C2orf92: variants seen among roughly 807,000 people sequenced by gnomAD.
C2orf92 encodes the protein uncharacterized protein C2orf92.
chr2:97,690,914 GACT>G (rs1676115745), intron 5 of C2orf92: 1 of 152,136 alleles, frequency 6.6e-6, no homozygotes, highest in Non-Finnish European at 1.5e-5. Flanking sequence ...AAGTAGCTGG[GACT>G]ACAGACGCAC....
upstream of C2orf92, among the ~76,000 whole-genome samples, chr2:97,667,430 GTT>G (rs1203203673): frequency 2.5e-5 from 3 of 118,806 alleles, no homozygotes. Flanking sequence ...GCCCAGCTAA[GTT>G]TTTTTTTTTT....
At chr2:97,670,865 A>G (rs563846707) in intron 1 of C2orf92, 2 of 152,296 alleles carry the variant, frequency 1.3e-5, no homozygotes, top group South Asian at 4.1e-4. Flanking sequence ...TGTCTGGCCA[A>G]ATTTACCCTT....
In C2orf92 at chr2:97,675,742, T is replaced by C. The variant is rs2104543952; in HGVS notation, c.149-103T>C. The C allele has an allele frequency of 2.5e-5, 10 of 398,194 alleles. No homozygotes were observed. The Middle Eastern group carries it at 1.9e-3, about 75-fold the overall frequency. The allele number at this position is 398,194 out of a possible 1,614,324, so 24.7% of individuals were successfully genotyped here. On this transcript the variant is annotated intron_variant, in intron 2 of 7. Coordinates refer to ENST00000627399, the MANE Select transcript of C2orf92 (RefSeq NM_001351368.2). ...AATAGGTGGGTTCAGGCCAAGTGCA[T>C]GATGCTCACCTCAAAATCCCGTGCA...
chr2:97,679,954 C>T (rs1675711236), intron 3 of C2orf92, among the ~76,000 whole-genome samples: 1 of 151,158 alleles, frequency 6.6e-6, no homozygotes, highest in African/African-American at 2.4e-5. Context: ...AGAAAACACA[C>T]ACAAAACACA....
At chr2:97,677,289 C>G (rs1049131097) in intron 3 of C2orf92, 1 of 152,202 alleles carries the variant, frequency 6.6e-6, no homozygotes. Flanking sequence ...AGCACTAAAA[C>G]TGACAGTTGT....
chr2:97,698,548 T>C (rs1382515612), intron 5 of C2orf92, among the ~76,000 whole-genome samples: 4 of 152,188 alleles, frequency 2.6e-5, no homozygotes, highest in Non-Finnish European at 5.9e-5. Context: ...TTCATGAACA[T>C]TGTACAATCT....
chr2:97,672,609 G>T (rs1475878680), intron 1 of C2orf92, among the ~76,000 whole-genome samples: 2 of 151,666 alleles, frequency 1.3e-5, no homozygotes, highest in Admixed American at 6.6e-5. Context: ...CTGGTTGGGG[G>T]TTTGGGAAGC....
At position 97,675,848 on chromosome 2, in the gene C2orf92, A is replaced by G. The variant is rs1334014481; in HGVS notation, c.152A>G (p.Tyr51Cys). ...GCCATGGTTTATTTTCCCTTAGGCT[A>G]TTCCCAACAGAAGAGCTTGAACAAT... Reference protein sequence around the residue: ...SITKRDTQKSYSQQKSLNNAA... With the variant: ...SITKRDTQKSCSQQKSLNNAA... Residue 51 changes from tyrosine to cysteine, a missense_variant, in exon 3 of 8, where the codon TAT becomes TGT. Physicochemically the swap from Tyr to Cys is radical, Grantham distance 194 (BLOSUM62 -2). Transcript: ENST00000627399. 7.5e-6 allele frequency: 3 copies of G among 398,994 alleles called. No individual in the cohort carries two copies. The highest frequency in any genetic ancestry group is 1.3e-4 in the South Asian group (1 of 7,868). The allele number at this position is 398,994 out of a possible 1,614,324, so 24.7% of individuals were successfully genotyped here.
chr2:97,682,317 A>G (rs1428377311), intron 3 of C2orf92, among the ~76,000 whole-genome samples: 2 of 152,212 alleles, frequency 1.3e-5, no homozygotes. Context: ...ATGAATCAGT[A>G]ATCAAAATTT....
chr2:97,670,346 G>A (rs1369944690), intron 1 of C2orf92: 1 of 151,844 alleles, frequency 6.6e-6, no homozygotes, highest in East Asian at 1.9e-4. Context: ...TTTAAAATTA[G>A]CCATGCATGG....
chr2:97,692,811 A>G (rs931893006), intron 5 of C2orf92, among the ~76,000 whole-genome samples: 1 of 152,196 alleles, frequency 6.6e-6, no homozygotes, highest in African/African-American at 2.4e-5. Flanking sequence ...GTTGCTGGAG[A>G]TACAGTGGGC....
At chr2:97,685,790 T>G (rs1290601848) in intron 3 of C2orf92, among the ~76,000 whole-genome samples, 1 of 151,978 alleles carries the variant, frequency 6.6e-6, no homozygotes, top group Non-Finnish European at 1.5e-5. Context: ...CACGAACTCC[T>G]GACCTCAGGT....
At chr2:97,667,289 A>AG (rs1675266868), upstream of C2orf92, among the ~76,000 whole-genome samples, 1 of 140,356 alleles carries the variant, frequency 7.1e-6, no homozygotes, top group Non-Finnish European at 1.5e-5. Context: ...TTTTGAGACA[A>AG]TCTTTCTCTG....
At chr2:97,695,096 C>T (rs150645009) in intron 5 of C2orf92, among the ~76,000 whole-genome samples, 1 of 152,138 alleles carries the variant, frequency 6.6e-6, no homozygotes, top group Non-Finnish European at 1.5e-5. Context: ...TTTTTCCCAT[C>T]CTGGGTGGGG....
At chr2:97,666,000 G>A (rs183960103), upstream of C2orf92, 927 of 151,900 alleles carry the variant, frequency 6.1e-3, 3 homozygotes, top group Non-Finnish European at 0.01. Flanking sequence ...GGCTGGTCTC[G>A]AACTCCTGAG....
Position 97,675,909 on chromosome 2 carries a change from A to G in C2orf92, c.213A>G (p.Glu71=), listed in dbSNP as rs1185857747. 2.5e-6 allele frequency: 1 copy of G among 398,836 alleles called. No individual in the cohort carries two copies. The highest frequency in any genetic ancestry group is 4.4e-6 in the Non-Finnish European group (1 of 226,076). 24.7% of individuals were successfully genotyped at this position (398,836 alleles called of 1,614,324 possible). A position where few individuals can be genotyped will look rare whatever the true frequency, so the allele number is the denominator to read the frequency against. Residue 71 remains glutamate (E), a synonymous_variant, in exon 3 of 8, where the codon GAA becomes GAG. Coordinates refer to ENST00000627399, the MANE Select transcript of C2orf92 (RefSeq NM_001351368.2). ...CATCAGGTTCAAATGAGCGAGAGGA[A>G]CATTTGGCTAAAATATTTGGTAAGT... ...AFASGSNERE[E]HLAKIFDEIL...
chr2:97,677,645 G>C (rs1675627417), intron 3 of C2orf92: 1 of 152,068 alleles, frequency 6.6e-6, no homozygotes, highest in African/African-American at 2.4e-5. Flanking sequence ...ATCTCTCAAC[G>C]TAAAATTATA....
chr2:97,694,888 A>G (rs746611785), intron 5 of C2orf92, among the ~76,000 whole-genome samples: 1 of 152,220 alleles, frequency 6.6e-6, no homozygotes, highest in Non-Finnish European at 1.5e-5. Context: ...ATCCTCGCCA[A>G]TTCCCTAATG....
chr2:97,672,999 T>G (rs1264028510), intron 1 of C2orf92, among the ~76,000 whole-genome samples: 2 of 152,146 alleles, frequency 1.3e-5, no homozygotes, highest in Non-Finnish European at 2.9e-5. Flanking sequence ...ACCTGAGAAC[T>G]TAAAAGGGAA....
Sources: allele counts gnomAD v4.1 joint callset (sites outside exome capture counted in the v4.1 genomes callset), GRCh38; gene constraint gnomAD v4.1.1; transcripts MANE v1.5; gene names NCBI Gene and HGNC (gene_info 2026-07-23, HGNC 2026-07-21).